Variants in PCDH15 observed in about 807,000 individuals in gnomAD.
The protein encoded by PCDH15 is protocadherin-15.
In PCDH15, 129 loss-of-function variants were observed where a neutral mutation model predicts 178.5. The ratio of observed to expected loss-of-function variants is 0.72; its 90% confidence interval spans 0.63 to 0.84. The LOEUF is 0.84. Ranked by LOEUF, PCDH15 falls within the 40% of genes least tolerant of loss-of-function variation. PCDH15 has a pLI of 0.00. For synonymous variants in PCDH15, 800 were observed against 732.0 expected (o/e 1.09, Z -1.50); for missense variants, 2,230 against 2,099.9 (o/e 1.06, Z -1.21).
intron 2 of PCDH15, among the ~76,000 whole-genome samples, chr10:55,113,854 T>G (rs1837567541): frequency 6.6e-6 from 1 of 152,078 alleles, no homozygotes; most frequent in Non-Finnish European, 1.5e-5. Flanking sequence ...TGTATTATCC[T>G]GCACCTCTCC....
intron 1 of PCDH15, among the ~76,000 whole-genome samples, chr10:54,731,203 A>T (rs67764475): frequency 0.12 from 18,423 of 151,124 alleles, 1,249 homozygotes; most frequent in African/African-American, 0.17. Flanking sequence ...ACAACTCAAA[A>T]GTGCAATGAG....
intron 2 of PCDH15, among the ~76,000 whole-genome samples, chr10:55,094,382 G>T (rs1842395260): frequency 6.6e-6 from 1 of 151,888 alleles, no homozygotes; most frequent in East Asian, 1.9e-4. Flanking sequence ...CACACACAGG[G>T]GCCTGTTGTG....
chr10:54,623,737 G>A (rs1565781068), intron 2 of PCDH15, among the ~76,000 whole-genome samples: 1 of 151,994 alleles, frequency 6.6e-6, no homozygotes, highest in Non-Finnish European at 1.5e-5. Context: ...TCAAGATGAA[G>A]CTAAGATATT....
At chr10:55,095,287 C>T (rs1842422364) in intron 2 of PCDH15, among the ~76,000 whole-genome samples, 1 of 151,382 alleles carries the variant, frequency 6.6e-6, no homozygotes, top group South Asian at 2.1e-4. Flanking sequence ...ATGATGTCAC[C>T]TTAATAATTT....
chr10:54,020,031 T>A (rs1292312634), intron 20 of PCDH15, among the ~76,000 whole-genome samples, 161 bp downstream of exon 20: 3 of 152,124 alleles, frequency 2.0e-5, no homozygotes, highest in Non-Finnish European at 4.4e-5. Flanking sequence ...TTATTTCTTA[T>A]GTATTCATAA....
At chr10:54,267,244 C>T (rs2057752476) in intron 8 of PCDH15, among the ~76,000 whole-genome samples, 1 of 151,728 alleles carries the variant, frequency 6.6e-6, no homozygotes, top group Non-Finnish European at 1.5e-5. Flanking sequence ...ATAATTAAAA[C>T]CCTCAGTAGA....
At chr10:54,383,633 G>T (rs1949538090) in intron 3 of PCDH15, among the ~76,000 whole-genome samples, 1 of 149,162 alleles carries the variant, frequency 6.7e-6, no homozygotes, top group African/African-American at 2.5e-5. Context: ...GTGTTTTTGT[G>T]TGTGTGTGTG....
chr10:54,139,280 G>T (rs984872188), intron 14 of PCDH15, among the ~76,000 whole-genome samples: 1 of 151,538 alleles, frequency 6.6e-6, no homozygotes, highest in Non-Finnish European at 1.5e-5. Context: ...TTTAGTTGAG[G>T]ACCTGACATT....
At chr10:54,785,791 T>C (rs948476132) in intron 1 of PCDH15, among the ~76,000 whole-genome samples, 1 of 151,230 alleles carries the variant, frequency 6.6e-6, no homozygotes, top group Non-Finnish European at 1.5e-5. Context: ...GAGACAGACA[T>C]TTTTTTTTAA....
chr10:54,313,307 T>A (rs920129766), intron 8 of PCDH15, among the ~76,000 whole-genome samples: 23 of 152,138 alleles, frequency 1.5e-4, no homozygotes, highest in African/African-American at 5.3e-4. Context: ...GGATATGCAA[T>A]ATTTAATATT....
intron 1 of PCDH15, among the ~76,000 whole-genome samples, chr10:55,222,730 C>CACATATAT: frequency 2.5e-5 from 3 of 121,278 alleles, no homozygotes; most frequent in African/African-American, 1.0e-4. Flanking sequence ...CACACACACA[C>CACATATAT]ATATATATAT....
At chr10:54,151,304 G>A (rs1188924850) in intron 14 of PCDH15, among the ~76,000 whole-genome samples, 1 of 152,082 alleles carries the variant, frequency 6.6e-6, no homozygotes, top group Non-Finnish European at 1.5e-5. Context: ...ACTTTGGGAG[G>A]CTGAAGTGGG....
At chr10:54,778,112 C>T (rs1268955900) in intron 1 of PCDH15, among the ~76,000 whole-genome samples, 2 of 152,170 alleles carry the variant, frequency 1.3e-5, no homozygotes, top group Non-Finnish European at 2.9e-5. Context: ...TGCAAGTTCC[C>T]TTTACCCAAT....
At chr10:54,455,974 A>C (rs1310301134) in intron 3 of PCDH15, among the ~76,000 whole-genome samples, 2 of 152,114 alleles carry the variant, frequency 1.3e-5, no homozygotes, top group Non-Finnish European at 2.9e-5. Flanking sequence ...TCAAGAATAG[A>C]GCTTTGTGAA....
intron 3 of PCDH15, among the ~76,000 whole-genome samples, chr10:54,465,816 A>G (rs2077479958): frequency 6.6e-6 from 1 of 152,006 alleles, no homozygotes; most frequent in African/African-American, 2.4e-5. Flanking sequence ...AGAAATCCTC[A>G]TACTGTTTTC....
chr10:54,571,417 CT>C (rs555124348), intron 2 of PCDH15, among the ~76,000 whole-genome samples: 124 of 149,908 alleles, frequency 8.3e-4, no homozygotes, highest in Admixed American at 5.6e-3. Flanking sequence ...AATGGGCTTT[CT>C]GTTCAGTATT....
At chr10:55,087,481 G>A (rs572316783) in intron 2 of PCDH15, among the ~76,000 whole-genome samples, 1 of 152,174 alleles carries the variant, frequency 6.6e-6, no homozygotes, top group Non-Finnish European at 1.5e-5. Flanking sequence ...TTGGTATAAT[G>A]AAATGGAAGA....
intron 2 of PCDH15, among the ~76,000 whole-genome samples, chr10:55,344,999 T>C (rs1290888417): frequency 6.6e-6 from 1 of 151,990 alleles, no homozygotes; most frequent in Non-Finnish European, 1.5e-5. Flanking sequence ...TGCATAAATG[T>C]TTTCTGGGTC....
chr10:54,587,993 T>C lies in PCDH15; in HGVS notation c.92-60116A>G, dbSNP rs558776258. Among the ~76,000 whole-genome samples, 5 of 152,304 alleles carry C rather than the reference T, an allele frequency of 3.3e-5. No homozygotes were observed. The South Asian group carries it at 1.0e-3, about 32-fold the overall frequency. On this transcript the variant is annotated intron_variant, in intron 2 of 37. Coordinates refer to ENST00000644397, the MANE Select transcript of PCDH15 (RefSeq NM_001384140.1). Reference sequence around the variant, plus strand: ...TTGTAAGTGACAGTAAAAGAGTTTCTAATATTTTGAAAAGAAATTAAAGGT... The same window carrying C: ...TTGTAAGTGACAGTAAAAGAGTTTCCAATATTTTGAAAAGAAATTAAAGGT...
Sources: gnomAD v4.1 joint callset for allele counts (sites outside exome capture counted in the v4.1 genomes callset) on GRCh38, gnomAD v4.1.1 for gene constraint, MANE v1.5 for transcripts, NCBI Gene and HGNC (gene_info 2026-07-23, HGNC 2026-07-21) for gene names.